ANO6: variants seen among roughly 807,000 people sequenced by gnomAD.
ANO6 encodes anoctamin 6.
Under a neutral mutation model 117.5 loss-of-function variants are expected in ANO6, and 106 were observed. The ratio of observed to expected loss-of-function variants is 0.90; its 90% CI spans 0.77 to 1.06. ANO6 has a LOEUF of 1.06. ANO6 is among the 50% of genes least tolerant of loss of function. ANO6 has a pLI of 0.00. For missense variants in ANO6, 955 were observed against 1,121.1 expected (o/e 0.85, Z 2.12); for synonymous variants, 367 against 385.1 (o/e 0.95, Z 0.55).
chr12:45,265,972 A>G (rs1938202137), intron 1 of ANO6, among the ~76,000 whole-genome samples: 1 of 152,220 alleles, frequency 6.6e-6, no homozygotes, highest in African/African-American at 2.4e-5. Flanking sequence ...ATACTCAAGG[A>G]TAAGGCAGAC....
At position 45,401,828 on chromosome 12, in the gene ANO6, A is replaced by G. The variant is rs752465937; in HGVS notation, c.1420A>G (p.Ile474Val). 4 of 1,613,530 alleles carry G rather than the reference A, an allele frequency of 2.5e-6. No individual in the cohort carries two copies. The South Asian group carries it at 4.4e-5, about 18-fold the overall frequency. ...LLIIASVIGI[I>V]VYRLSVFIVF... ...GATCATCGCTTCAGTTATTGGGATC[A>G]TTGTCTATAGGCTCTCGGTGTTCAT... is the stretch of plus-strand genomic sequence containing the variant. The change falls in exon 13 of 20, where the codon ATT becomes GTT. Residue 474 changes from isoleucine (I) to valine (V), a missense_variant. Physicochemically the swap from Ile to Val is conservative, Grantham distance 29. Transcript: ENST00000320560.
intron 1 of ANO6, among the ~76,000 whole-genome samples, chr12:45,247,075 G>A (rs1302487434): frequency 2.6e-5 from 4 of 152,078 alleles, no homozygotes; most frequent in Non-Finnish European, 5.9e-5. Flanking sequence ...ACAGACGTTC[G>A]CCACCACGAC....
At chr12:45,341,049 G>C (rs1399380483) in intron 3 of ANO6, among the ~76,000 whole-genome samples, 1 of 152,164 alleles carries the variant, frequency 6.6e-6, no homozygotes, top group Non-Finnish European at 1.5e-5. Flanking sequence ...ATATATTAAT[G>C]TGTTTAAGCA....
At chr12:45,426,302 C>G (rs550815224) in intron 19 of ANO6, among the ~76,000 whole-genome samples, 1 of 152,336 alleles carries the variant, frequency 6.6e-6, no homozygotes, top group South Asian at 2.1e-4. Context: ...AGAACTCTTT[C>G]CTACAGCATC....
chr12:45,293,079 G>A, intron 1 of ANO6: 1 of 1,220,984 alleles, frequency 8.2e-7, no homozygotes, highest in Non-Finnish European at 1.1e-6. Context: ...TCTGCTTTGT[G>A]TGTGTGTCAC....
At chr12:45,266,903 C>A (rs1041877759) in intron 1 of ANO6, among the ~76,000 whole-genome samples, 2 of 150,710 alleles carry the variant, frequency 1.3e-5, no homozygotes, top group African/African-American at 2.5e-5. Flanking sequence ...AGTGGGAAAC[C>A]CATTCAGGTC....
intron 1 of ANO6, among the ~76,000 whole-genome samples, chr12:45,257,282 A>C (rs1937869080): frequency 6.6e-6 from 1 of 152,130 alleles, no homozygotes; most frequent in South Asian, 2.1e-4. Context: ...TCAGAGCCCC[A>C]TCCAGGCCAT....
At chr12:45,347,319 A>G in intron 4 of ANO6, 1 of 475,642 alleles carries the variant, frequency 2.1e-6, no homozygotes, top group Non-Finnish European at 3.7e-6. Context: ...TGCATGTATG[A>G]ATGATTATTT....
intron 1 of ANO6, among the ~76,000 whole-genome samples, chr12:45,300,119 G>T (rs1411952727): frequency 6.6e-6 from 1 of 152,122 alleles, no homozygotes; most frequent in Non-Finnish European, 1.5e-5. Context: ...GGAAAACATA[G>T]TATGCATTTT....
At chr12:45,365,138 T>A (rs1217062382) in intron 8 of ANO6, among the ~76,000 whole-genome samples, 1 of 152,250 alleles carries the variant, frequency 6.6e-6, no homozygotes, top group East Asian at 1.9e-4. Flanking sequence ...ATCTCATGGC[T>A]GTGTGTGAGT....
intron 1 of ANO6, among the ~76,000 whole-genome samples, chr12:45,224,240 A>G (rs1947447688): frequency 6.6e-6 from 1 of 152,178 alleles, no homozygotes; most frequent in Non-Finnish European, 1.5e-5. Flanking sequence ...CCCTGTTGGG[A>G]TGAAAAGACA....
chr12:45,389,747 C>T (rs1466104158), intron 11 of ANO6, among the ~76,000 whole-genome samples: 1 of 152,106 alleles, frequency 6.6e-6, no homozygotes, highest in Non-Finnish European at 1.5e-5. Flanking sequence ...GCCTCAGTGA[C>T]CTCATCTATA....
chr12:45,244,044 C>T (rs1420046472), intron 1 of ANO6, among the ~76,000 whole-genome samples: 3 of 152,154 alleles, frequency 2.0e-5, no homozygotes, highest in Non-Finnish European at 4.4e-5. Context: ...ATAGAAATTA[C>T]AAATAAATAT....
chr12:45,400,959 A>G (rs1348290118), intron 12 of ANO6, among the ~76,000 whole-genome samples: 2 of 152,206 alleles, frequency 1.3e-5, no homozygotes, highest in Non-Finnish European at 2.9e-5. Flanking sequence ...AGGAAAATTC[A>G]TGGCGCCTTT....
intron 2 of ANO6, among the ~76,000 whole-genome samples, chr12:45,310,134 GATTT>G (rs1172502578): frequency 6.6e-6 from 1 of 152,074 alleles, no homozygotes; most frequent in Non-Finnish European, 1.5e-5. Context: ...TAAATTTATG[GATTT>G]GTTAGGATTG....
chr12:45,375,521 A>G (rs1374569307), intron 9 of ANO6, among the ~76,000 whole-genome samples: 2 of 152,216 alleles, frequency 1.3e-5, no homozygotes, highest in Non-Finnish European at 2.9e-5. Context: ...AGATCAATGG[A>G]ACAGAACAGA....
chr12:45,338,720 G>A (rs1459154793), intron 3 of ANO6, among the ~76,000 whole-genome samples: 2 of 151,960 alleles, frequency 1.3e-5, no homozygotes, highest in African/African-American at 4.8e-5. Context: ...TGCGTTGCTG[G>A]TATAAGCACA....
At chr12:45,249,245 G>T (rs1947868077) in intron 1 of ANO6, among the ~76,000 whole-genome samples, 1 of 152,096 alleles carries the variant, frequency 6.6e-6, no homozygotes. Flanking sequence ...CAAAATGCAT[G>T]ACTGAAAAAA....
chr12:45,409,053 GA>G (rs1172932970), intron 15 of ANO6, among the ~76,000 whole-genome samples: 2 of 152,000 alleles, frequency 1.3e-5, no homozygotes, highest in Non-Finnish European at 2.9e-5. Flanking sequence ...AGGGGGAAAT[GA>G]AAAAACAAAC....
Sources: allele counts gnomAD v4.1 joint callset (sites outside exome capture counted in the v4.1 genomes callset), GRCh38; gene constraint gnomAD v4.1.1; transcripts MANE v1.5; gene names NCBI Gene and HGNC (gene_info 2026-07-23, HGNC 2026-07-21).